Variants in STK3 observed in about 807,000 individuals in gnomAD.
The protein encoded by STK3 is serine/threonine-protein kinase 3.
A neutral mutation model predicts 58.0 loss-of-function variants in STK3; 41 were observed. That is an observed-to-expected ratio of 0.71 (90% CI 0.55 to 0.92). The LOEUF is 0.92. Among genes scored for constraint, STK3 ranks in the 40% least tolerant of loss-of-function variants. The pLI is 0.00. For synonymous variants in STK3, 170 were observed against 191.0 expected (o/e 0.89, Z 0.91); for missense variants, 479 against 602.7 (o/e 0.79, Z 2.15).
intron 6 of STK3, among the ~76,000 whole-genome samples, chr8:98,677,888 T>C (rs1415546372): frequency 2.0e-5 from 3 of 152,216 alleles, no homozygotes. Context: ...GTCAGGTAGT[T>C]GGAGAACAAT....
chr8:98,404,765 T>C (rs1172470664), intron 3 of STK3, among the ~76,000 whole-genome samples: 1 of 151,760 alleles, frequency 6.6e-6, no homozygotes, highest in Non-Finnish European at 1.5e-5. Flanking sequence ...GTGGCAGGAT[T>C]GCTTGAGTCT....
intron 1 of STK3, among the ~76,000 whole-genome samples, chr8:98,787,569 A>G (rs1832551211): frequency 6.6e-6 from 1 of 152,182 alleles, no homozygotes; most frequent in Non-Finnish European, 1.5e-5. Context: ...TCCAAATACA[A>G]GAAGCTCAAA....
chr8:98,691,839 G>A (rs1231258661), intron 6 of STK3, among the ~76,000 whole-genome samples: 2 of 151,700 alleles, frequency 1.3e-5, no homozygotes, highest in Non-Finnish European at 2.9e-5. Flanking sequence ...GGCTGAGGCA[G>A]GAGAATCGCT....
chr8:98,777,730 C>T (rs922823378), intron 1 of STK3, among the ~76,000 whole-genome samples: 2 of 152,098 alleles, frequency 1.3e-5, no homozygotes, highest in Non-Finnish European at 2.9e-5. Flanking sequence ...GTTAATGAGG[C>T]AGACGATTCT....
chr8:98,472,740 G>T (rs1055922203), intron 10 of STK3, among the ~76,000 whole-genome samples: 1 of 152,132 alleles, frequency 6.6e-6, no homozygotes, highest in African/African-American at 2.4e-5. Context: ...TTTAAAAAAA[G>T]ATTTCTCACA....
chr8:98,344,950 G>A, the STK3 span, among the ~76,000 whole-genome samples: 1 of 145,772 alleles, frequency 6.9e-6, no homozygotes, highest in Admixed American at 6.9e-5. Flanking sequence ...TTCTCACCTT[G>A]TGGTGCTAAT....
chr8:98,711,395 A>G (rs939077074), intron 4 of STK3, among the ~76,000 whole-genome samples: 1 of 152,180 alleles, frequency 6.6e-6, no homozygotes, highest in Non-Finnish European at 1.5e-5. Context: ...AAAAAAAATT[A>G]GACAAATGGC....
the STK3 span, among the ~76,000 whole-genome samples, chr8:98,358,564 C>T: frequency 6.6e-6 from 1 of 152,092 alleles, no homozygotes; most frequent in East Asian, 1.9e-4. Context: ...GCATTTTCGG[C>T]TCTTCTTTTA....
intron 6 of STK3, among the ~76,000 whole-genome samples, chr8:98,659,166 C>T (rs1390998924): frequency 6.6e-6 from 1 of 151,986 alleles, no homozygotes; most frequent in African/African-American, 2.4e-5. Flanking sequence ...TTAAGCAATG[C>T]ATGACTGTAT....
At chr8:98,649,675 T>C (rs1213723685) in intron 6 of STK3, among the ~76,000 whole-genome samples, 2 of 152,188 alleles carry the variant, frequency 1.3e-5, no homozygotes, top group Non-Finnish European at 2.9e-5. Context: ...CATTTCTCAC[T>C]TTTTTCTCCA....
downstream of STK3, chr8:98,883,711 C>G (rs777409327): frequency 7.1e-6 from 5 of 702,834 alleles, no homozygotes; most frequent in Middle Eastern, 2.3e-4. Flanking sequence ...GAGGCTGCTC[C>G]GTTCCTAAGG....
At chr8:98,732,762 G>T (rs374880331) in intron 4 of STK3, among the ~76,000 whole-genome samples, 15 of 151,984 alleles carry the variant, frequency 9.9e-5, no homozygotes, top group South Asian at 4.2e-4. Context: ...AAATCAGGAA[G>T]CTCCAAAGAA....
intron 10 of STK3, among the ~76,000 whole-genome samples, chr8:98,458,001 A>G (rs1819627742): frequency 6.6e-6 from 1 of 152,184 alleles, no homozygotes; most frequent in Non-Finnish European, 1.5e-5. Flanking sequence ...TTAGAGAAAC[A>G]TTATCTAACA....
intron 6 of STK3, among the ~76,000 whole-genome samples, chr8:98,674,285 ATT>A (rs1365787074): frequency 6.6e-6 from 1 of 152,164 alleles, no homozygotes; most frequent in Non-Finnish European, 1.5e-5. Flanking sequence ...TAAATATTAT[ATT>A]GTTACATTCA....
chr8:98,361,371 T>C, the STK3 span, among the ~76,000 whole-genome samples: 1 of 152,192 alleles, frequency 6.6e-6, no homozygotes, highest in Non-Finnish European at 1.5e-5. Context: ...GTTAAGGGCA[T>C]AGGCTCTGGT....
chr8:98,561,007 C>T (rs1370989811), intron 8 of STK3, among the ~76,000 whole-genome samples: 1 of 152,060 alleles, frequency 6.6e-6, no homozygotes, highest in Non-Finnish European at 1.5e-5. Flanking sequence ...GTACTCCAAC[C>T]TGGTTAACAA....
intron 3 of STK3, among the ~76,000 whole-genome samples, chr8:98,406,848 TC>T (rs907432206): frequency 6.6e-6 from 1 of 152,214 alleles, no homozygotes; most frequent in African/African-American, 2.4e-5. Context: ...TTACTTTCCT[TC>T]TTCCTGTGCG....
intron 4 of STK3, among the ~76,000 whole-genome samples, chr8:98,733,117 T>C (rs929126809): frequency 1.3e-5 from 2 of 152,248 alleles, no homozygotes; most frequent in African/African-American, 4.8e-5. Context: ...AGATGTTCTT[T>C]GCCCTCTCTT....
At chr8:98,579,091 C>T (rs1477273801) in intron 8 of STK3, among the ~76,000 whole-genome samples, 1 of 151,968 alleles carries the variant, frequency 6.6e-6, no homozygotes, top group Non-Finnish European at 1.5e-5. Flanking sequence ...GTGGAGGTTG[C>T]AGTGAGCCAA....
Sources: gnomAD v4.1 joint callset for allele counts (sites outside exome capture counted in the v4.1 genomes callset) on GRCh38, gnomAD v4.1.1 for gene constraint, MANE v1.5 for transcripts, NCBI Gene and HGNC (gene_info 2026-07-23, HGNC 2026-07-21) for gene names.